The following USH2A variants were observed in gnomAD, a reference collection of about 807,000 sequenced individuals.
The protein encoded by USH2A is usherin, also known as Usher syndrome 2A (autosomal recessive, mild).
In USH2A, 443 loss-of-function variants were observed where a neutral mutation model predicts 538.9. That is an observed-to-expected ratio of 0.82 (90% confidence interval 0.76 to 0.89). The LOEUF (loss-of-function observed/expected upper bound fraction) is 0.89, where lower values mean the gene tolerates loss of function less well. USH2A is among the 40% of genes least tolerant of loss of function. The pLI, the probability that USH2A is intolerant of heterozygous loss-of-function variation, is 0.00. For missense variants in USH2A, 6,633 were observed against 6,324.8 expected (o/e 1.05, Z -1.65); for synonymous variants, 2,413 against 2,273.5 (o/e 1.06, Z -1.75).
At chr1:216,206,652 CAT>C (rs1217532477) in intron 16 of USH2A, among the ~76,000 whole-genome samples, 7 of 152,142 alleles carry the variant, frequency 4.6e-5, no homozygotes, top group Non-Finnish European at 1.0e-4. Context: ...ATGTCATGAA[CAT>C]TTTCCATTTA....
At chr1:216,127,060 C>G (rs2033269837) in intron 21 of USH2A, among the ~76,000 whole-genome samples, 1 of 152,170 alleles carries the variant, frequency 6.6e-6, no homozygotes, top group African/African-American at 2.4e-5. Context: ...GGATAGAGGT[C>G]TTCAGGGAGA....
chr1:216,133,337 A>G (rs1036537477), intron 21 of USH2A, among the ~76,000 whole-genome samples: 1 of 152,106 alleles, frequency 6.6e-6, no homozygotes, highest in Non-Finnish European at 1.5e-5. Flanking sequence ...GATCAGCTCC[A>G]TTATCTTCTC....
rs542331820 is a variant in USH2A at position 215,934,579 on chromosome 1, A to C, written c.7300+37T>G. On this transcript the variant is annotated intron_variant, in intron 38 of 71. Transcript: ENST00000307340. ...ATGGAAACTTAATTCTAGGGCATTT[A>C]TATAAAATTAGATAGCCAACATTTG... 20 of 1,597,236 alleles carry C rather than the reference A, an allele frequency of 1.3e-5. No individual in the cohort carries two copies. In the South Asian group the frequency reaches 2.1e-4, roughly 17 times the overall value.
intron 30 of USH2A, among the ~76,000 whole-genome samples, chr1:216,064,125 A>T (rs1007251490): frequency 6.6e-6 from 1 of 152,236 alleles, no homozygotes; most frequent in Non-Finnish European, 1.5e-5. Context: ...GAGCCCTGTC[A>T]TACTGAATTG....
intron 11 of USH2A, among the ~76,000 whole-genome samples, chr1:216,272,833 A>G (rs189649544): frequency 3.8e-4 from 58 of 152,230 alleles, no homozygotes; most frequent in Non-Finnish European, 6.6e-4. Context: ...TAGGAAGACA[A>G]ACAACAAACG....
chr1:216,401,510 A>G (rs2039303568), intron 3 of USH2A, among the ~76,000 whole-genome samples: 1 of 152,122 alleles, frequency 6.6e-6, no homozygotes, highest in African/African-American at 2.4e-5. Flanking sequence ...ATTAGAATAT[A>G]AACTTAATTT....
At chr1:216,421,154 C>CA (rs1321939890) in intron 2 of USH2A, among the ~76,000 whole-genome samples, 2 of 152,116 alleles carry the variant, frequency 1.3e-5, no homozygotes, top group African/African-American at 2.4e-5. Context: ...GATTAAATAA[C>CA]AAAAAATGGC....
intron 11 of USH2A, among the ~76,000 whole-genome samples, chr1:216,270,054 A>C (rs2036546510): frequency 6.6e-6 from 1 of 152,138 alleles, no homozygotes; most frequent in Non-Finnish European, 1.5e-5. Flanking sequence ...AAGATGAATA[A>C]ATTAGATGAA....
Position 215,998,897 on chromosome 1 carries a change from A to G in USH2A, c.6647T>C (p.Ile2216Thr). 6.2e-7 allele frequency: 1 copy of G among 1,613,064 alleles called. No individual in the cohort carries two copies. Among genetic ancestry groups the G allele is most frequent in the Non-Finnish European group, 8.5e-7 (1 of 1,179,390 alleles). Residue 2216 changes from isoleucine (I) to threonine (T), a missense_variant, in exon 34 of 72, where the codon ATC becomes ACC. Ile to Thr is a moderately conservative substitution (Grantham distance 89). Coordinates refer to ENST00000307340, the MANE Select transcript of USH2A (RefSeq NM_206933.4). ...QYVLPGNKYL[I>T]KLGACTGGGC... ...TGGAAATAAACTTACTCCCAGCTTG[A>G]TGAGATATTTATTACCAGGTAAAAC... is the stretch of plus-strand genomic sequence containing the variant.
intron 13 of USH2A, among the ~76,000 whole-genome samples, chr1:216,243,820 T>C (rs1202536443): frequency 6.6e-6 from 1 of 152,174 alleles, no homozygotes; most frequent in Non-Finnish European, 1.5e-5. Context: ...TTTCACCATG[T>C]TTAATGCTCC....
chr1:216,241,655 C>A (rs556032988), intron 13 of USH2A, among the ~76,000 whole-genome samples: 1 of 152,180 alleles, frequency 6.6e-6, no homozygotes, highest in African/African-American at 2.4e-5. Flanking sequence ...CTGCCTCAGT[C>A]TCCCAAGTAG....
intron 63 of USH2A, among the ~76,000 whole-genome samples, chr1:215,672,031 T>G (rs1657834774): frequency 6.6e-6 from 1 of 152,172 alleles, no homozygotes; most frequent in Non-Finnish European, 1.5e-5. Flanking sequence ...CTTATCACCA[T>G]CCAGTTAAAT....
chr1:216,088,044 TA>T (rs2102564305), intron 23 of USH2A, among the ~76,000 whole-genome samples: 1 of 152,218 alleles, frequency 6.6e-6, no homozygotes, highest in Non-Finnish European at 1.5e-5. Flanking sequence ...GTCATGTCAT[TA>T]GCTCTTTTAC....
chr1:216,394,015 T>G (rs1185009391), intron 3 of USH2A, among the ~76,000 whole-genome samples: 1 of 152,142 alleles, frequency 6.6e-6, no homozygotes, highest in Non-Finnish European at 1.5e-5. Flanking sequence ...CTAAAGAGGA[T>G]ACACACATGG....
At chr1:216,416,709 G>C (rs2039583266) in intron 3 of USH2A, among the ~76,000 whole-genome samples, 1 of 152,082 alleles carries the variant, frequency 6.6e-6, no homozygotes, top group Non-Finnish European at 1.5e-5. Context: ...ATTCAGTCAT[G>C]GTTACCGCTC....
chr1:215,765,409 A>G (rs879600346), intron 56 of USH2A, among the ~76,000 whole-genome samples: 15 of 152,118 alleles, frequency 9.9e-5, no homozygotes, highest in South Asian at 2.1e-4. Flanking sequence ...ACTGGTAGGA[A>G]GTTCAGGTCT....
At chr1:215,637,311 A>T (rs1656526957) in intron 69 of USH2A, among the ~76,000 whole-genome samples, 1 of 152,202 alleles carries the variant, frequency 6.6e-6, no homozygotes, top group African/African-American at 2.4e-5. Flanking sequence ...TTTAAAGAGC[A>T]GATTCTGAGC....
At chr1:215,772,553 G>A (rs902679924) in intron 55 of USH2A, among the ~76,000 whole-genome samples, 2 of 152,174 alleles carry the variant, frequency 1.3e-5, no homozygotes, top group African/African-American at 2.4e-5. Flanking sequence ...AAGAGTAAAT[G>A]TGTGCTAAAA....
At chr1:216,396,017 A>C (rs1486219996) in intron 3 of USH2A, among the ~76,000 whole-genome samples, 1 of 152,186 alleles carries the variant, frequency 6.6e-6, no homozygotes, top group Non-Finnish European at 1.5e-5. Context: ...CACATACACT[A>C]GTAGAGATGT....
Sources: allele counts gnomAD v4.1 joint callset (sites outside exome capture counted in the v4.1 genomes callset), GRCh38; gene constraint gnomAD v4.1.1; transcripts MANE v1.5; gene names NCBI Gene and HGNC (gene_info 2026-07-23, HGNC 2026-07-21).